The following ACACA variants were observed in gnomAD, a reference collection of about 807,000 sequenced individuals.
The protein encoded by ACACA is acetyl-CoA carboxylase alpha, also known as acetyl-CoA carboxylase 1.
In ACACA, 103 loss-of-function variants were observed where a neutral mutation model predicts 296.1. The observed-to-expected ratio is 0.35, with a 90% CI of 0.30 to 0.41. The LOEUF (loss-of-function observed/expected upper bound fraction) is 0.41, where lower values mean the gene tolerates loss of function less well. Among genes scored for constraint, ACACA ranks in the 10% least tolerant of loss-of-function variants. ACACA has a pLI of 1.00. For synonymous variants in ACACA, 953 were observed against 1,038.6 expected, an observed-to-expected ratio of 0.92 and a Z score of 1.58; for missense variants, 1,554 against 2,989.7, an observed-to-expected ratio of 0.52 and a Z score of 11.20.
At chr17:37,314,283 T>C (rs1404787076) in intron 3 of ACACA, among the ~76,000 whole-genome samples, 1 of 151,692 alleles carries the variant, frequency 6.6e-6, no homozygotes, top group Non-Finnish European at 1.5e-5. Flanking sequence ...GTATTTTTAG[T>C]AGAGATGAGG....
At chr17:37,356,935 A>G (rs769366009) in intron 1 of ACACA, among the ~76,000 whole-genome samples, 3 of 152,220 alleles carry the variant, frequency 2.0e-5, no homozygotes, top group Non-Finnish European at 2.9e-5. Flanking sequence ...CGTGACAGGT[A>G]TAAAAATTTT....
At chr17:37,273,237 T>C (rs2082141618) in intron 9 of ACACA, among the ~76,000 whole-genome samples, 1 of 152,216 alleles carries the variant, frequency 6.6e-6, no homozygotes, top group Non-Finnish European at 1.5e-5. Flanking sequence ...ACTCAAGCAG[T>C]GTATTTTTCT....
At chr17:37,297,152 A>G (rs2083379165) in intron 3 of ACACA, among the ~76,000 whole-genome samples, 1 of 151,992 alleles carries the variant, frequency 6.6e-6, no homozygotes, top group Admixed American at 6.6e-5. Context: ...TATATAAAAC[A>G]CATTTAAGGC....
intron 45 of ACACA, among the ~76,000 whole-genome samples, chr17:37,133,323 C>T (rs2075188955): frequency 1.3e-5 from 2 of 152,120 alleles, no homozygotes; most frequent in Non-Finnish European, 2.9e-5. Flanking sequence ...TTGGAGTATG[C>T]GCCAGTAGAA....
chr17:37,385,462 G>T (rs1279928092), intron 1 of ACACA, among the ~76,000 whole-genome samples: 1 of 151,894 alleles, frequency 6.6e-6, no homozygotes, highest in Non-Finnish European at 1.5e-5. Context: ...GACAGAGGGG[G>T]ACCCTGTCTT....
At chr17:37,216,720 G>C in intron 29 of ACACA, among the ~76,000 whole-genome samples, 1 of 151,696 alleles carries the variant, frequency 6.6e-6, no homozygotes, top group East Asian at 1.9e-4. Flanking sequence ...CTTTTCAGAG[G>C]CTCCCCTAGT....
chr17:37,174,344 G>A (rs1221905653), intron 41 of ACACA, among the ~76,000 whole-genome samples: 3 of 151,666 alleles, frequency 2.0e-5, no homozygotes, highest in African/African-American at 7.3e-5. Flanking sequence ...AAAAAAGAAG[G>A]ACACCAGTGA....
chr17:37,274,150 CT>C, intron 9 of ACACA, 42 bp downstream of exon 9: 1 of 1,518,896 alleles, frequency 6.6e-7, no homozygotes, highest in Non-Finnish European at 9.1e-7. Flanking sequence ...GTGACTATAA[CT>C]GGTCAGCTGA....
intron 43 of ACACA, among the ~76,000 whole-genome samples, chr17:37,153,193 C>T (rs2076110324): frequency 6.6e-6 from 1 of 152,010 alleles, no homozygotes; most frequent in Non-Finnish European, 1.5e-5. Flanking sequence ...TTCATAGATT[C>T]CAGAAATGAA....
intron 54 of ACACA, among the ~76,000 whole-genome samples, 154 bp downstream of exon 54, chr17:37,096,842 G>C (rs984686330): frequency 2.6e-5 from 4 of 152,124 alleles, no homozygotes; most frequent in African/African-American, 9.7e-5. Flanking sequence ...GACATGTTAG[G>C]GGGAGTAGCT....
Position 37,290,433 on chromosome 17 carries a change from G to A in ACACA, c.339-5463C>T, listed in dbSNP as rs1011091837. 3.9e-5 allele frequency among the ~76,000 whole-genome samples: 6 copies of A among 152,252 alleles called. No homozygotes were observed. In the South Asian group the frequency reaches 1.2e-3, roughly 32 times the overall value. ...AACACTATTTCTGAGTACTCGCTAT[G>A]GGACAGACACTATGCTAAGCTCTTC... On this transcript the variant is annotated intron_variant, in intron 3 of 55. Transcript: ENST00000616317.
chr17:37,097,764 T>A lies in ACACA; in HGVS notation c.6720+66A>T. 6.3e-7 allele frequency: 1 copy of A among 1,594,496 alleles called. No individual in the cohort carries two copies. The highest frequency in any genetic ancestry group is 8.6e-7 in the Non-Finnish European group (1 of 1,164,078). On this transcript the variant is annotated intron_variant, in intron 53 of 55. Coordinates refer to ENST00000616317, the MANE Select transcript of ACACA (RefSeq NM_198834.3). This position sits in a 1 kb window ranked among gnomAD's most constrained non-coding sequence, Gnocchi z 4.8. ...ATAGCTCCCTGCTTATGAGCCTGTG[T>A]GCAACACACACACACACTTGCCCAC...
chr17:37,162,741 C>T (rs1183717372), intron 41 of ACACA: 10 of 210,870 alleles, frequency 4.7e-5, no homozygotes, highest in South Asian at 6.5e-5. Flanking sequence ...TGTCAAGTCC[C>T]GTCTCTGGTA....
Position 37,207,734 on chromosome 17 carries a change from C to T in ACACA, c.3774G>A (p.Leu1258=). The change falls in exon 31 of 56, where the codon CTG becomes CTA. Residue 1258 remains leucine (L), a synonymous_variant. Transcript: ENST00000616317. ...MTHVASVSDV[L]LDNSFTPPCQ... ...AAGGTGGAGTGAATGAGTTGTCCAA[C>T]AGTACATCGCTGACACTAGCTACAT... 1 of 1,614,042 alleles carries T rather than the reference C, an allele frequency of 6.2e-7. No homozygotes were observed. Among genetic ancestry groups the T allele is most frequent in the South Asian group, 1.1e-5 (1 of 91,074 alleles).
chr17:37,192,961 A>G (rs951903931), intron 36 of ACACA, among the ~76,000 whole-genome samples: 5 of 152,298 alleles, frequency 3.3e-5, no homozygotes, highest in Admixed American at 1.3e-4. Context: ...GAATGGAGAG[A>G]GAGAGTCAAA....
In ACACA at chr17:37,193,375, T is replaced by C; in HGVS notation, c.4199A>G (p.Lys1400Arg). ...AATAGGAAAGAAATCAATCCTTACC[T>C]TATCCCTTGCTCGGAATGTAAAAAA... The part of the protein sequence containing the change: ...PKFFTFRARD[K>R]FEEDRIYRHL... Residue 1400 changes from lysine (K) to arginine (R), a missense_variant and splice_region_variant, in exon 36 of 56, where the codon AAG becomes AGG. Transcript: ENST00000616317. The C allele has an allele frequency of 1.3e-6, 2 of 1,599,680 alleles. No individual in the cohort carries two copies. Among genetic ancestry groups the C allele is most frequent in the Non-Finnish European group, 1.7e-6 (2 of 1,167,226 alleles).
intron 3 of ACACA, among the ~76,000 whole-genome samples, chr17:37,296,628 T>C (rs1301140109): frequency 6.6e-6 from 1 of 151,100 alleles, no homozygotes; most frequent in African/African-American, 2.4e-5. Context: ...ATAAGGGCAC[T>C]AATCCCATTC....
intron 9 of ACACA, among the ~76,000 whole-genome samples, chr17:37,273,109 A>C (rs895060072): frequency 6.6e-6 from 1 of 152,244 alleles, no homozygotes; most frequent in Non-Finnish European, 1.5e-5. Flanking sequence ...AAATTCAATT[A>C]GAAATATTAA....
At chr17:37,297,474 C>T (rs1050282623) in intron 3 of ACACA, among the ~76,000 whole-genome samples, 1 of 148,970 alleles carries the variant, frequency 6.7e-6, no homozygotes, top group Admixed American at 6.7e-5. Flanking sequence ...CACACACATG[C>T]GTGTGTGTAC....
Sources: allele counts gnomAD v4.1 joint callset (sites outside exome capture counted in the v4.1 genomes callset), GRCh38; gene constraint gnomAD v4.1.1; non-coding constraint Gnocchi (gnomAD v3.1); transcripts MANE v1.5; gene names NCBI Gene and HGNC (gene_info 2026-07-23, HGNC 2026-07-21).